TGFBI: variants seen among roughly 807,000 people sequenced by gnomAD.
TGFBI encodes the protein transforming growth factor beta induced.
Under a neutral mutation model 73.7 loss-of-function variants are expected in TGFBI, and 50 were observed. That is an observed-to-expected ratio of 0.68 (90% CI 0.54 to 0.86). The LOEUF (loss-of-function observed/expected upper bound fraction) is 0.86, where lower values mean the gene tolerates loss of function less well. Among genes scored for constraint, TGFBI ranks in the 40% least tolerant of loss-of-function variants. The pLI is 0.00. For synonymous variants in TGFBI, 362 were observed against 360.5 expected (o/e 1.00, Z -0.05); for missense variants, 839 against 877.0 (o/e 0.96, Z 0.55).
intron 10 of TGFBI, chr5:136,055,222 G>T (rs977985112): frequency 1.2e-5 from 3 of 247,470 alleles, no homozygotes; most frequent in South Asian, 7.8e-5. Context: ...GGTCCAAAAG[G>T]TGCCTTCTCT....
chr5:136,058,877 G>T, intron 12 of TGFBI: 1 of 529,446 alleles, frequency 1.9e-6, no homozygotes, highest in African/African-American at 1.9e-5. Flanking sequence ...CAGATTTGTG[G>T]TCATGAACAT....
intron 4 of TGFBI, 125 bp from the exon 5 acceptor site, chr5:136,046,726 G>C: frequency 1.5e-6 from 2 of 1,333,768 alleles, no homozygotes; most frequent in South Asian, 1.5e-5. Flanking sequence ...TCCTGAGGAG[G>C]GATCCTTGGC....
chr5:136,058,995 G>C, intron 12 of TGFBI, 95 bp from the exon 13 acceptor site: 1 of 1,475,974 alleles, frequency 6.8e-7, no homozygotes, highest in South Asian at 1.3e-5. Flanking sequence ...TTCATTTCAG[G>C]GGTGACCACT....
At chr5:136,047,596 C>G (rs1004528220) in intron 6 of TGFBI, 176 bp downstream of exon 6, 1 of 753,534 alleles carries the variant, frequency 1.3e-6, no homozygotes, top group African/African-American at 1.7e-5. Flanking sequence ...TTCAGCTTGA[C>G]CTAACCTGTG....
In TGFBI at chr5:136,061,574, T is replaced by C; in HGVS notation, c.1981T>C (p.Ser661Pro). 6.2e-7 allele frequency: 1 copy of C among 1,613,568 alleles called. No individual in the cohort carries two copies. The highest frequency in any genetic ancestry group is 8.5e-7 in the Non-Finnish European group (1 of 1,179,714). Residue 661 changes from serine (S) to proline (P), a missense_variant, in exon 15 of 17, where the codon TCC becomes CCC. Physicochemically the swap from Ser to Pro is moderately conservative, Grantham distance 74. Transcript: ENST00000442011. ...LEIFKQASAF[S>P]RASQRSVRLA... ...GATCTTCAAACAAGCATCAGCGTTTTCCAGGGTAAGATGCCTGCTAGGTTT... is the reference window on the plus strand; with the variant it reads ...GATCTTCAAACAAGCATCAGCGTTTCCCAGGGTAAGATGCCTGCTAGGTTT...
Position 136,055,739 on chromosome 5 carries a change from C to A in TGFBI, c.1470C>A (p.Thr490=). 6.2e-7 allele frequency: 1 copy of A among 1,612,594 alleles called. No individual in the cohort carries two copies. The highest frequency in any genetic ancestry group is 8.5e-7 in the Non-Finnish European group (1 of 1,178,898). The part of the protein sequence containing the change: ...AAHDKRGRYG[T]LFTMDRVLTP... ...ACGACAAGAGGGGGAGGTACGGGAC[C>A]CTGTTCACGATGGACCGGGTGCTGA... Residue 490 remains threonine (T), a synonymous_variant, in exon 11 of 17, where the codon ACC becomes ACA. Transcript: ENST00000442011.
intron 3 of TGFBI, among the ~76,000 whole-genome samples, chr5:136,045,113 A>T (rs1442225680): frequency 6.6e-6 from 1 of 152,184 alleles, no homozygotes. Context: ...TTAGTTAAGA[A>T]TGTGAGACTG....
rs1186915564 is a variant in TGFBI at position 136,052,972 on chromosome 5, G to A, written c.979G>A (p.Val327Ile). 1 of 1,614,080 alleles carries A rather than the reference G, an allele frequency of 6.2e-7. No individual in the cohort carries two copies. The highest frequency in any genetic ancestry group is 8.5e-7 in the Non-Finnish European group (1 of 1,179,908). Reference protein sequence around the residue: ...CAEAIVAGLSVETLEGTTLEV... With the variant: ...CAEAIVAGLSIETLEGTTLEV... The stretch of plus-strand genomic sequence containing the variant: ...TGAAGCCATCGTTGCGGGGCTGTCT[G>A]TAGAGACCCTGGAGGGCACGACACT... Residue 327 changes from valine (V) to isoleucine (I), a missense_variant, in exon 8 of 17, where the codon GTA (valine) becomes ATA (isoleucine). Val to Ile is a conservative substitution (Grantham distance 29, BLOSUM62 3). Transcript: ENST00000442011.
intron 9 of TGFBI, 155 bp from the exon 10 acceptor site, chr5:136,054,561 C>A: frequency 1.0e-6 from 1 of 1,002,738 alleles, no homozygotes; most frequent in Non-Finnish European, 1.6e-6. Context: ...ATAGAAGATA[C>A]CAGATGTTAA....
rs910519148 is a variant in TGFBI, at chr5:136,055,836, G to A, written c.1547+20G>A. The A allele has an allele frequency of 4.4e-6, 7 of 1,586,486 alleles. No homozygotes were observed. The highest frequency in any genetic ancestry group is 2.7e-5 in the African/African-American group (2 of 74,540). On this transcript the variant is annotated intron_variant, in intron 11 of 16. Coordinates refer to ENST00000442011, the MANE Select transcript of TGFBI (RefSeq NM_000358.3). ...CTTTAGGTAATTAGTTCCATCCCCG[G>A]GTGGAGCTTCTGCCCAGTGGTCATG... is the stretch of plus-strand genomic sequence containing the variant.
intron 7 of TGFBI, among the ~76,000 whole-genome samples, chr5:136,051,889 A>T (rs1440540366): frequency 6.6e-6 from 1 of 152,024 alleles, no homozygotes; most frequent in Non-Finnish European, 1.5e-5. Context: ...AAGGCCATCA[A>T]CTCGTCTGCA....
intron 4 of TGFBI, 23 bp from the exon 5 acceptor site, chr5:136,046,828 T>A: frequency 1.2e-6 from 2 of 1,607,486 alleles, no homozygotes; most frequent in Non-Finnish European, 1.7e-6. Flanking sequence ...AGCCCCTAAC[T>A]GACACCCTGT....
chr5:136,037,343 T>TC (rs1404094764), intron 2 of TGFBI, among the ~76,000 whole-genome samples: 3 of 152,122 alleles, frequency 2.0e-5, no homozygotes, highest in Non-Finnish European at 4.4e-5. Context: ...ACAGTCAGCA[T>TC]CCCCCTCTGT....
At chr5:136,043,028 C>T (rs148755604) in intron 2 of TGFBI, among the ~76,000 whole-genome samples, 6 of 152,228 alleles carry the variant, frequency 3.9e-5, no homozygotes, top group African/African-American at 9.6e-5. Flanking sequence ...CGGTAAAACC[C>T]GCTGCAATTA....
intron 2 of TGFBI, among the ~76,000 whole-genome samples, chr5:136,041,199 T>A (rs1400946008): frequency 6.6e-6 from 1 of 152,226 alleles, no homozygotes; most frequent in East Asian, 1.9e-4. Flanking sequence ...GTGACAGAGA[T>A]GCCAGACTGG....
chr5:136,036,630 A>G (rs776613030), intron 2 of TGFBI, among the ~76,000 whole-genome samples: 3 of 152,128 alleles, frequency 2.0e-5, no homozygotes, highest in Admixed American at 6.5e-5. Context: ...ATTCAGTGCC[A>G]TGGGTGGTCA....
intron 12 of TGFBI, among the ~76,000 whole-genome samples, chr5:136,057,744 A>G (rs1463834786): frequency 6.6e-6 from 1 of 152,178 alleles, no homozygotes; most frequent in Non-Finnish European, 1.5e-5. Context: ...AGAGCAGAAT[A>G]GAAAGTTCAG....
chr5:136,035,390 G>A (rs1171395447), intron 2 of TGFBI, among the ~76,000 whole-genome samples: 2 of 152,154 alleles, frequency 1.3e-5, no homozygotes, highest in African/African-American at 4.8e-5. Flanking sequence ...TTGGGAGGCC[G>A]AGGTGGGCGG....
At chr5:136,030,971 G>A (rs1384764343) in intron 1 of TGFBI, among the ~76,000 whole-genome samples, 1 of 152,186 alleles carries the variant, frequency 6.6e-6, no homozygotes, top group Non-Finnish European at 1.5e-5. Flanking sequence ...TGACCAGCTG[G>A]AAAACAGGGT....
Sources: allele counts gnomAD v4.1 joint callset (sites outside exome capture counted in the v4.1 genomes callset), GRCh38; gene constraint gnomAD v4.1.1; transcripts MANE v1.5; gene names NCBI Gene and HGNC (gene_info 2026-07-23, HGNC 2026-07-21).